TASP1: variants seen among roughly 807,000 people sequenced by gnomAD.
The protein encoded by TASP1 is taspase 1.
Under a neutral mutation model 56.6 loss-of-function variants are expected in TASP1, and 16 were observed. The observed-to-expected ratio is 0.28, with a 90% CI of 0.19 to 0.43. TASP1 has a LOEUF of 0.43. TASP1 is among the 20% of genes least tolerant of loss of function. TASP1 has a pLI of 1.00. For missense variants in TASP1, 393 were observed against 511.6 expected (o/e 0.77, Z 2.24); for synonymous variants, 179 against 184.2 (o/e 0.97, Z 0.23).
At chr20:13,221,734 G>A in the TASP1 span, 6 of 1,345,816 alleles carry the variant, frequency 4.5e-6, no homozygotes, top group Middle Eastern at 2.7e-4. Flanking sequence ...CGCCGCCGCC[G>A]CCGGCCGCCG....
the TASP1 span, among the ~76,000 whole-genome samples, chr20:13,133,795 A>G: frequency 0.014 from 2,100 of 152,302 alleles, 22 homozygotes; most frequent in Non-Finnish European, 0.02. Context: ...CAGTGATTGT[A>G]GGCTGGACAG....
chr20:13,524,056 G>A (rs2044874538), intron 10 of TASP1, among the ~76,000 whole-genome samples: 1 of 152,178 alleles, frequency 6.6e-6, no homozygotes, highest in East Asian at 1.9e-4. Flanking sequence ...GGCTGAGGCA[G>A]GAGGATCACT....
chr20:13,442,956 G>A (rs999401238), intron 11 of TASP1, among the ~76,000 whole-genome samples: 1 of 152,118 alleles, frequency 6.6e-6, no homozygotes, highest in Non-Finnish European at 1.5e-5. Flanking sequence ...TTTTTAAATT[G>A]CACTCTTCAG....
intron 11 of TASP1, among the ~76,000 whole-genome samples, chr20:13,451,538 C>G (rs2043618010): frequency 6.6e-6 from 1 of 152,038 alleles, no homozygotes; most frequent in Non-Finnish European, 1.5e-5. Context: ...ATGGAGGCAG[C>G]TTCTTTCCTT....
the TASP1 span, among the ~76,000 whole-genome samples, chr20:13,332,624 A>G: frequency 6.6e-6 from 1 of 152,210 alleles, no homozygotes; most frequent in African/African-American, 2.4e-5. Context: ...TTACTTATTC[A>G]TATACTCAAC....
the TASP1 span, among the ~76,000 whole-genome samples, chr20:13,294,635 G>A: frequency 1.1e-4 from 16 of 152,130 alleles, no homozygotes; most frequent in South Asian, 2.1e-4. Context: ...TTAGGTAACT[G>A]AGGAGCCTTT....
At chr20:13,530,256 T>C (rs932512382) in intron 9 of TASP1, among the ~76,000 whole-genome samples, 1 of 152,052 alleles carries the variant, frequency 6.6e-6, no homozygotes, top group Non-Finnish European at 1.5e-5. Context: ...ACAGACAATA[T>C]CCCTCTTAAA....
At chr20:13,575,609 A>T (rs576381343) in intron 6 of TASP1, among the ~76,000 whole-genome samples, 1 of 152,306 alleles carries the variant, frequency 6.6e-6, no homozygotes, top group African/African-American at 2.4e-5. Context: ...TAAATTACCC[A>T]GTCCTGGGTA....
intron 10 of TASP1, among the ~76,000 whole-genome samples, chr20:13,520,758 C>T (rs1415955571): frequency 6.6e-6 from 1 of 152,040 alleles, no homozygotes; most frequent in African/African-American, 2.4e-5. Flanking sequence ...GCAACAAAAG[C>T]CAAAATTGAC....
chr20:13,378,337 T>C, the TASP1 span, among the ~76,000 whole-genome samples: 47 of 152,324 alleles, frequency 3.1e-4, no homozygotes, highest in African/African-American at 1.1e-3. Context: ...ATTTACCCAG[T>C]AGTCATTCAG....
the TASP1 span, among the ~76,000 whole-genome samples, chr20:13,211,953 A>C: frequency 6.6e-6 from 1 of 152,120 alleles, no homozygotes; most frequent in Non-Finnish European, 1.5e-5. Flanking sequence ...TCCAGTGCTT[A>C]ATAGGAAAGA....
the TASP1 span, among the ~76,000 whole-genome samples, chr20:13,362,289 C>T: frequency 2.0e-5 from 3 of 151,824 alleles, no homozygotes; most frequent in Non-Finnish European, 4.4e-5. Flanking sequence ...GTGACTTGCA[C>T]GTATATGCCC....
At chr20:13,611,034 G>A (rs1161263155) in intron 4 of TASP1, among the ~76,000 whole-genome samples, 2 of 152,080 alleles carry the variant, frequency 1.3e-5, no homozygotes, top group African/African-American at 4.8e-5. Context: ...AAAATTAGAT[G>A]GACTGGAGAA....
intron 11 of TASP1, among the ~76,000 whole-genome samples, chr20:13,477,021 A>G (rs1002825790): frequency 1.3e-5 from 2 of 152,204 alleles, no homozygotes; most frequent in Non-Finnish European, 2.9e-5. Context: ...AGAGAACATT[A>G]TATTTTTTAA....
At chr20:13,556,068 A>C (rs1327026705) in intron 8 of TASP1, among the ~76,000 whole-genome samples, 2 of 152,166 alleles carry the variant, frequency 1.3e-5, no homozygotes, top group Non-Finnish European at 2.9e-5. Flanking sequence ...AGATGGGTTA[A>C]GAAAGTTACT....
chr20:13,636,892 C>T (rs1374560043), intron 1 of TASP1, among the ~76,000 whole-genome samples: 1 of 152,020 alleles, frequency 6.6e-6, no homozygotes, highest in Non-Finnish European at 1.5e-5. Context: ...CCCTATTGCA[C>T]TTGACAAGTC....
chr20:13,496,731 C>T (rs1212865304), intron 10 of TASP1, among the ~76,000 whole-genome samples: 1 of 152,072 alleles, frequency 6.6e-6, no homozygotes, highest in Non-Finnish European at 1.5e-5. Context: ...CACAAGCCTC[C>T]AAAACAGATC....
Position 13,433,579 on chromosome 20 carries a change from C to T in TASP1, c.1096+1465G>A, listed in dbSNP as rs147460050. 1.1e-3 allele frequency among the ~76,000 whole-genome samples: 158 copies of T among 148,790 alleles called. 1 individual carries two copies. Among genetic ancestry groups the T allele is most frequent in the Middle Eastern group, 3.5e-3 (1 of 282 alleles). On this transcript the variant is annotated intron_variant, in intron 12 of 13. Coordinates refer to ENST00000337743, the MANE Select transcript of TASP1 (RefSeq NM_017714.3). Reference sequence around the variant, plus strand: ...TTAGTGTCCAGGTGGAGAAAAAGGCCTTTTATATAAAGTGTAGTTTTTCTC... The same window carrying T: ...TTAGTGTCCAGGTGGAGAAAAAGGCTTTTTATATAAAGTGTAGTTTTTCTC...
intron 10 of TASP1, among the ~76,000 whole-genome samples, chr20:13,489,910 C>G (rs2043463066): frequency 6.6e-6 from 1 of 152,118 alleles, no homozygotes; most frequent in Admixed American, 6.5e-5. Context: ...ACCATATGTT[C>G]TTTATTCATT....
Sources: allele counts gnomAD v4.1 joint callset (sites outside exome capture counted in the v4.1 genomes callset), GRCh38; gene constraint gnomAD v4.1.1; transcripts MANE v1.5; gene names NCBI Gene and HGNC (gene_info 2026-07-23, HGNC 2026-07-21).